The following TOGARAM2 variants were observed in gnomAD, a reference collection of about 807,000 sequenced individuals.
TOGARAM2 encodes the protein TOG array regulator of axonemal microtubules protein 2.
In TOGARAM2, 85 loss-of-function variants were observed where a neutral mutation model predicts 93.3. That is an observed-to-expected ratio of 0.91 (90% CI 0.76 to 1.09). The LOEUF is 1.09. Among genes scored for constraint, TOGARAM2 ranks in the 50% least tolerant of loss-of-function variants. TOGARAM2 has a pLI of 0.00. For synonymous variants in TOGARAM2, 593 were observed against 552.8 expected, an observed-to-expected ratio of 1.07 and a Z score of -1.02; for missense variants, 1,277 against 1,334.5, an observed-to-expected ratio of 0.96 and a Z score of 0.67.
chr2:28,977,976 G>A (rs552270303), upstream of TOGARAM2, among the ~76,000 whole-genome samples: 6 of 151,978 alleles, frequency 3.9e-5, no homozygotes, highest in Non-Finnish European at 7.4e-5. Context: ...GCACAATCTC[G>A]ACTCATTGCA....
At chr2:28,991,683 C>T (rs534792215) in intron 1 of TOGARAM2, among the ~76,000 whole-genome samples, 1 of 152,306 alleles carries the variant, frequency 6.6e-6, no homozygotes, top group African/African-American at 2.4e-5. Context: ...TGCACGCTCC[C>T]TGTGGACTGT....
upstream of TOGARAM2, among the ~76,000 whole-genome samples, chr2:28,978,143 G>A (rs1005646926): frequency 6.6e-6 from 1 of 152,188 alleles, no homozygotes; most frequent in Middle Eastern, 3.2e-3. Context: ...CTGGCCTCAG[G>A]TGATCTGCCT....
chr2:29,017,447 C>G (rs1030394651), intron 9 of TOGARAM2, 143 bp downstream of exon 9: 4 of 912,330 alleles, frequency 4.4e-6, no homozygotes, highest in Non-Finnish European at 6.2e-6. Context: ...CACTCTGTGG[C>G]CCAGGCTAAA....
chr2:29,011,158 T>G (rs944178257), intron 6 of TOGARAM2, among the ~76,000 whole-genome samples: 1 of 152,160 alleles, frequency 6.6e-6, no homozygotes, highest in Non-Finnish European at 1.5e-5. Context: ...GGGTGGGGGC[T>G]TCCTTTAAGT....
upstream of TOGARAM2, among the ~76,000 whole-genome samples, chr2:28,981,020 A>T (rs1004853177): frequency 3.3e-5 from 5 of 152,212 alleles, no homozygotes; most frequent in African/African-American, 1.2e-4. Context: ...AAGCAGATTG[A>T]GCCCAGAGGC....
chr2:28,988,193 G>A (rs1672553555), intron 1 of TOGARAM2, among the ~76,000 whole-genome samples: 1 of 152,230 alleles, frequency 6.6e-6, no homozygotes, highest in African/African-American at 2.4e-5. Context: ...GGTGCTGCCT[G>A]TAAGAAGCCC....
chr2:29,031,388 A>G (rs942937000), intron 14 of TOGARAM2, among the ~76,000 whole-genome samples: 3 of 152,218 alleles, frequency 2.0e-5, no homozygotes, highest in Non-Finnish European at 2.9e-5. Context: ...TGTTGCTCAG[A>G]GTATTATTTT....
At chr2:28,963,744 A>G (rs1026101388) in intron 1 of TOGARAM2, among the ~76,000 whole-genome samples, 2 of 152,214 alleles carry the variant, frequency 1.3e-5, no homozygotes, top group African/African-American at 2.4e-5. Context: ...GCGGTGGCTC[A>G]TGCCTGTAAT....
At chr2:28,967,346 G>C (rs1051656733) in intron 1 of TOGARAM2, among the ~76,000 whole-genome samples, 1 of 152,132 alleles carries the variant, frequency 6.6e-6, no homozygotes, top group Non-Finnish European at 1.5e-5. Flanking sequence ...ATGGTGGAGT[G>C]CACCTGTGGT....
At chr2:28,979,272 A>T (rs1256189452), upstream of TOGARAM2, among the ~76,000 whole-genome samples, 7 of 152,248 alleles carry the variant, frequency 4.6e-5, no homozygotes, top group East Asian at 1.2e-3. Context: ...TGCCCCTGGG[A>T]TTCGCTCTCT....
chr2:28,995,495 C>A (rs755249342), intron 2 of TOGARAM2, among the ~76,000 whole-genome samples: 5 of 152,194 alleles, frequency 3.3e-5, no homozygotes, highest in Non-Finnish European at 7.3e-5. Flanking sequence ...CAGGAGACAG[C>A]GCATGATGCA....
intron 17 of TOGARAM2, among the ~76,000 whole-genome samples, chr2:29,035,996 G>A (rs948961984): frequency 2.0e-5 from 3 of 152,098 alleles, no homozygotes; most frequent in Non-Finnish European, 4.4e-5. Context: ...CAGGTGACTT[G>A]GCTGTGATGG....
chr2:29,006,137 G>A (rs944222092), intron 6 of TOGARAM2, among the ~76,000 whole-genome samples: 11 of 144,688 alleles, frequency 7.6e-5, no homozygotes, highest in African/African-American at 2.5e-4. Context: ...ATGTGTGTGA[G>A]AGCATGCATG....
chr2:29,021,720 C>T (rs540048750), intron 10 of TOGARAM2, among the ~76,000 whole-genome samples: 34 of 152,276 alleles, frequency 2.2e-4, no homozygotes, highest in Admixed American at 1.8e-3. Context: ...AAGGAAGAGG[C>T]GCTGACCATA....
rs375242025 is a variant in TOGARAM2 at position 29,035,691 on chromosome 2, T to A, written c.2418+35T>A. On this transcript the variant is annotated intron_variant, in intron 17 of 19. Coordinates refer to ENST00000379558, the MANE Select transcript of TOGARAM2 (RefSeq NM_199280.4). ...GCTTGCTTTTACTCTCCCACCTGTCTCTCCTCTGGGGGGTGCAACTTGAAG... is the reference window on the plus strand; with the variant it reads ...GCTTGCTTTTACTCTCCCACCTGTCACTCCTCTGGGGGGTGCAACTTGAAG... 1,666 of 1,349,906 alleles carry A rather than the reference T, an allele frequency of 1.2e-3. 2 individuals are homozygous for A. Among genetic ancestry groups the A allele is most frequent in the Non-Finnish European group, 1.4e-3 (1,484 of 1,037,558 alleles). The allele number at this position is 1,349,906 out of a possible 1,614,324, so 83.6% of individuals were successfully genotyped here.
intron 17 of TOGARAM2, among the ~76,000 whole-genome samples, chr2:29,036,198 C>A (rs1399143018): frequency 6.6e-6 from 1 of 152,096 alleles, no homozygotes; most frequent in Non-Finnish European, 1.5e-5. Flanking sequence ...AATCATTGAA[C>A]CTCTTGGAGC....
At chr2:28,974,634 G>A (rs1451912445) in intron 1 of TOGARAM2, among the ~76,000 whole-genome samples, 1 of 151,500 alleles carries the variant, frequency 6.6e-6, no homozygotes, top group Non-Finnish European at 1.5e-5. Context: ...TATTTTTTGA[G>A]ACAGGGTCTT....
intron 8 of TOGARAM2, among the ~76,000 whole-genome samples, chr2:29,015,456 G>A (rs1175480010): frequency 6.6e-6 from 1 of 152,062 alleles, no homozygotes; most frequent in Non-Finnish European, 1.5e-5. Flanking sequence ...TTCCCTCTCT[G>A]GCATCAACAA....
At chr2:28,974,094 CTTTAGTT>C (rs1671991875) in intron 1 of TOGARAM2, among the ~76,000 whole-genome samples, 2 of 140,568 alleles carry the variant, frequency 1.4e-5, no homozygotes, top group Non-Finnish European at 3.1e-5. Context: ...TTCTCTTTGT[CTTTAGTT>C]TTCTGAACTT....
Sources: gnomAD v4.1 joint callset for allele counts (sites outside exome capture counted in the v4.1 genomes callset) on GRCh38, gnomAD v4.1.1 for gene constraint, MANE v1.5 for transcripts, NCBI Gene and HGNC (gene_info 2026-07-23, HGNC 2026-07-21) for gene names.